The following FABP7 variants were observed in gnomAD, a reference collection of about 807,000 sequenced individuals.
FABP7 encodes the protein fatty acid-binding protein, brain.
A neutral mutation model predicts 14.2 loss-of-function variants in FABP7; 13 were observed. That is an observed-to-expected ratio of 0.91 (90% CI 0.59 to 1.45). The LOEUF (loss-of-function observed/expected upper bound fraction) is 1.45, where lower values mean the gene tolerates loss of function less well. Ranked by LOEUF, FABP7 falls within the 40% of genes most tolerant of loss-of-function variation. FABP7 has a pLI of 0.00. For synonymous variants in FABP7, 49 were observed against 51.4 expected (o/e 0.95, Z 0.20); for missense variants, 149 against 157.6 (o/e 0.95, Z 0.29).
chr6:122,756,871 C>A, the FABP7 span, among the ~76,000 whole-genome samples: 1 of 152,280 alleles, frequency 6.6e-6, no homozygotes, highest in African/African-American at 2.4e-5. Flanking sequence ...ATGACACTAT[C>A]CTTGTTTTCC....
the FABP7 span, among the ~76,000 whole-genome samples, chr6:122,751,228 T>A: frequency 2.0e-5 from 3 of 152,234 alleles, no homozygotes. Context: ...AAGTGAGTAC[T>A]ATAGTGGTAT....
intron 1 of FABP7, 86 bp from the exon 2 acceptor site, chr6:122,780,205 G>A (rs1780749052): frequency 7.2e-7 from 1 of 1,388,434 alleles, no homozygotes. Context: ...TTTAGAACGT[G>A]GATTCCAGAA....
chr6:122,762,344 A>G, the FABP7 span, among the ~76,000 whole-genome samples: 41,282 of 152,024 alleles, frequency 0.27, 6,432 homozygotes, highest in Non-Finnish European at 0.36. Context: ...TCAACAGCCC[A>G]TCATGCTAAA....
chr6:122,765,528 C>G, the FABP7 span, among the ~76,000 whole-genome samples: 9 of 151,954 alleles, frequency 5.9e-5, no homozygotes, highest in Non-Finnish European at 1.0e-4. Context: ...TAATCTGTGC[C>G]TCTTAGGCTA....
intron 3 of FABP7, chr6:122,782,640 A>G (rs1780820722): frequency 6.1e-6 from 6 of 985,378 alleles, no homozygotes; most frequent in Non-Finnish European, 7.2e-6. Flanking sequence ...GGCTCATTCA[A>G]TTTTGGAGGA....
At chr6:122,781,743 T>C in intron 3 of FABP7, 5 of 795,006 alleles carry the variant, frequency 6.3e-6, no homozygotes, top group Non-Finnish European at 7.6e-6. Flanking sequence ...GATAACCCTT[T>C]TTTTTTTTTT....
chr6:122,779,057 TTC>T (rs903772584), upstream of FABP7, among the ~76,000 whole-genome samples: 6 of 152,166 alleles, frequency 3.9e-5, no homozygotes, highest in African/African-American at 1.4e-4. Context: ...GATCTTTAAA[TTC>T]TCTCGGTTTG....
At chr6:122,783,647 T>C (rs1255479133) in intron 3 of FABP7, 70 bp from the exon 4 acceptor site, 1 of 1,548,644 alleles carries the variant, frequency 6.5e-7, no homozygotes, top group Non-Finnish European at 8.6e-7. Context: ...ATCACATATA[T>C]GATGATCTTT....
At chr6:122,763,699 A>C in the FABP7 span, among the ~76,000 whole-genome samples, 1 of 152,204 alleles carries the variant, frequency 6.6e-6, no homozygotes, top group Non-Finnish European at 1.5e-5. Context: ...ACAAGAAAAA[A>C]ATCAAACAAC....
upstream of FABP7, among the ~76,000 whole-genome samples, chr6:122,775,031 T>C (rs1235995990): frequency 6.6e-6 from 1 of 152,060 alleles, no homozygotes; most frequent in Admixed American, 6.5e-5. Flanking sequence ...AGGAAAGATA[T>C]TGCATGTTCA....
rs1048316252 is a variant in FABP7, at chr6:122,780,008, A to G, written c.73+141A>G. On this transcript the variant is annotated intron_variant, in intron 1 of 3. Transcript: ENST00000368444. ...TCAGATGCTAGGCTATGCATTTTCC[A>G]CTGAATGGATTTTTAATGTGGCACT... 3 of 865,902 alleles carry G rather than the reference A, an allele frequency of 3.5e-6. No individual in the cohort carries two copies. In the African/African-American group the frequency reaches 5.1e-5, roughly 15 times the overall value. The allele number at this position is 865,902 out of a possible 1,614,324, so 53.6% of individuals were successfully genotyped here. A position where few individuals can be genotyped will look rare whatever the true frequency, so the allele number is the denominator to read the frequency against.
At chr6:122,766,051 T>A in the FABP7 span, among the ~76,000 whole-genome samples, 1 of 152,112 alleles carries the variant, frequency 6.6e-6, no homozygotes, top group Non-Finnish European at 1.5e-5. Context: ...ATCTTTTTTT[T>A]CTTTCCCTCA....
At chr6:122,764,089 G>A in the FABP7 span, among the ~76,000 whole-genome samples, 25 of 152,218 alleles carry the variant, frequency 1.6e-4, no homozygotes, top group African/African-American at 2.4e-4. Context: ...ACATGCACAC[G>A]TATGTTTATT....
chr6:122,782,583 T>C (rs1216266039), intron 3 of FABP7: 6 of 985,330 alleles, frequency 6.1e-6, no homozygotes, highest in African/African-American at 1.7e-5. Context: ...CAGACACTTT[T>C]TGTGTGACCT....
In FABP7 at chr6:122,781,138, T is replaced by C. The variant is rs1780771972; in HGVS notation, c.292T>C (p.Trp98Arg). The C allele has an allele frequency of 2.5e-6, 4 of 1,614,006 alleles. No homozygotes were observed. Among genetic ancestry groups the C allele is most frequent in the African/African-American group, 1.3e-5 (1 of 75,054 alleles). The change falls in exon 3 of 4, where the codon TGG becomes CGG. Residue 98 changes from tryptophan to arginine, a missense_variant. Physicochemically the swap from Trp to Arg is moderately radical, Grantham distance 101 (BLOSUM62 -3). Transcript: ENST00000368444. ...AGACAAACTTGTTCACATACAGAAATGGGATGGCAAAGAAACAAATTTTGT... is the reference window on the plus strand; with the variant it reads ...AGACAAACTTGTTCACATACAGAAACGGGATGGCAAAGAAACAAATTTTGT... ...DGDKLVHIQKWDGKETNFVRE... is the reference protein window; with the variant it reads ...DGDKLVHIQKRDGKETNFVRE...
In FABP7 at chr6:122,783,797, T is replaced by G; in HGVS notation, c.*30T>G. The G allele has an allele frequency of 6.4e-7, 1 of 1,570,762 alleles. No individual in the cohort carries two copies. The highest frequency in any genetic ancestry group is 8.7e-7 in the Non-Finnish European group (1 of 1,147,458). The stretch of plus-strand genomic sequence containing the variant: ...GTTCCTGGTCGGGGCTTGGAAGAGC[T>G]CTTCAGTTTTTCTGTTTCCTCAAGT... On this transcript the variant is annotated 3_prime_UTR_variant, in exon 4 of 4. Coordinates refer to ENST00000368444, the MANE Select transcript of FABP7 (RefSeq NM_001446.5).
chr6:122,773,376 G>T, the FABP7 span, among the ~76,000 whole-genome samples: 5 of 152,158 alleles, frequency 3.3e-5, no homozygotes, highest in African/African-American at 1.2e-4. Flanking sequence ...TTAGTGAGGT[G>T]CCCACTGCAC....
chr6:122,775,261 G>T (rs1407593690), upstream of FABP7, among the ~76,000 whole-genome samples: 1 of 151,952 alleles, frequency 6.6e-6, no homozygotes, highest in African/African-American at 2.4e-5. Context: ...GACTTCAAAA[G>T]ATACTAAAAA....
chr6:122,775,269 A>G (rs1473650043), upstream of FABP7, among the ~76,000 whole-genome samples: 1 of 152,202 alleles, frequency 6.6e-6, no homozygotes, highest in African/African-American at 2.4e-5. Context: ...AAGATACTAA[A>G]AAGCTATAGT....
Sources: allele counts gnomAD v4.1 joint callset (sites outside exome capture counted in the v4.1 genomes callset), GRCh38; gene constraint gnomAD v4.1.1; transcripts MANE v1.5; gene names NCBI Gene and HGNC (gene_info 2026-07-23, HGNC 2026-07-21).